CNTNAP2: variants seen among roughly 807,000 people sequenced by gnomAD.
CNTNAP2 encodes contactin-associated protein-like 2.
A neutral mutation model predicts 155.2 loss-of-function variants in CNTNAP2; 98 were observed. The observed-to-expected ratio is 0.63, with a 90% CI of 0.54 to 0.75. CNTNAP2 has a LOEUF of 0.75. Among genes scored for constraint, CNTNAP2 ranks in the 30% least tolerant of loss-of-function variants. The pLI, the probability that CNTNAP2 is intolerant of heterozygous loss-of-function variation, is 0.00. For synonymous variants in CNTNAP2, 651 were observed against 631.2 expected (o/e 1.03, Z -0.47); for missense variants, 1,727 against 1,688.1 (o/e 1.02, Z -0.40).
intron 13 of CNTNAP2, among the ~76,000 whole-genome samples, chr7:147,719,182 G>T (rs996575040): frequency 1.3e-5 from 2 of 152,032 alleles, no homozygotes; most frequent in African/African-American, 4.8e-5. Context: ...GAATTGCAGT[G>T]GTCAGTTTGT....
rs561138039 is a variant in CNTNAP2 at position 146,989,043 on chromosome 7, T to C, written c.403-54864T>C. Among the ~76,000 whole-genome samples, 4 of 152,322 alleles carry C rather than the reference T, an allele frequency of 2.6e-5. No homozygotes were observed. The South Asian group carries it at 8.3e-4, about 32-fold the overall frequency. On this transcript the variant is annotated intron_variant, in intron 3 of 23. Coordinates refer to ENST00000361727, the MANE Select transcript of CNTNAP2 (RefSeq NM_014141.6). ...ACACCTGTTCTTCTTGTCTGCCAGA[T>C]GTTTGCTTTATATCACAATTGTCTT...
At chr7:146,350,693 G>T (rs1213232247) in intron 1 of CNTNAP2, among the ~76,000 whole-genome samples, 4 of 151,970 alleles carry the variant, frequency 2.6e-5, no homozygotes, top group Non-Finnish European at 5.9e-5. Flanking sequence ...ATACCCAAAG[G>T]ATTATAAATC....
intron 1 of CNTNAP2, among the ~76,000 whole-genome samples, chr7:146,459,642 C>T (rs73462742): frequency 0.027 from 4,173 of 152,080 alleles, 141 homozygotes; most frequent in African/African-American, 0.074. Flanking sequence ...AAGGGAAGGA[C>T]GCACAAAAAG....
intron 1 of CNTNAP2, among the ~76,000 whole-genome samples, chr7:146,749,768 G>A (rs1218239481): frequency 6.6e-6 from 1 of 152,094 alleles, no homozygotes; most frequent in African/African-American, 2.4e-5. Context: ...TATAGAAGAT[G>A]GATTTCAGGG....
At chr7:147,703,697 CTA>C (rs1294710357) in intron 13 of CNTNAP2, among the ~76,000 whole-genome samples, 1 of 152,112 alleles carries the variant, frequency 6.6e-6, no homozygotes, top group Non-Finnish European at 1.5e-5. Flanking sequence ...TACATCATTT[CTA>C]TGTGTTGGGA....
chr7:146,311,493 C>T (rs1414314858), intron 1 of CNTNAP2, among the ~76,000 whole-genome samples: 2 of 149,982 alleles, frequency 1.3e-5, no homozygotes, highest in Non-Finnish European at 3.0e-5. Context: ...TTATAGAGGT[C>T]AGGCATGGTG....
At chr7:147,848,524 A>G (rs1320484212) in intron 13 of CNTNAP2, among the ~76,000 whole-genome samples, 1 of 150,644 alleles carries the variant, frequency 6.6e-6, no homozygotes, top group Non-Finnish European at 1.5e-5. Flanking sequence ...TGAACCCGGT[A>G]CCTCAGATGG....
chr7:147,014,788 G>C (rs1456684855), intron 3 of CNTNAP2, among the ~76,000 whole-genome samples: 1 of 152,038 alleles, frequency 6.6e-6, no homozygotes, highest in African/African-American at 2.4e-5. Context: ...ATAAAGAAGA[G>C]GCCATCTGTA....
At chr7:146,484,313 C>T (rs1797023516) in intron 1 of CNTNAP2, among the ~76,000 whole-genome samples, 2 of 152,100 alleles carry the variant, frequency 1.3e-5, no homozygotes, top group African/African-American at 4.8e-5. Flanking sequence ...GACACATGAC[C>T]GCAGTCATGC....
intron 13 of CNTNAP2, among the ~76,000 whole-genome samples, chr7:147,728,644 G>A (rs1796684666): frequency 6.6e-6 from 1 of 152,004 alleles, no homozygotes; most frequent in Admixed American, 6.6e-5. Flanking sequence ...AAGGACTGGG[G>A]AACTCAGTGG....
intron 8 of CNTNAP2, among the ~76,000 whole-genome samples, chr7:147,216,844 C>T (rs1803279916): frequency 6.6e-6 from 1 of 151,860 alleles, no homozygotes; most frequent in Non-Finnish European, 1.5e-5. Flanking sequence ...TTTAGTTTGT[C>T]CTTGATTTCT....
chr7:146,665,229 G>A (rs141564591), intron 1 of CNTNAP2, among the ~76,000 whole-genome samples: 3,297 of 152,218 alleles, frequency 0.022, 89 homozygotes, highest in African/African-American at 0.055. Context: ...GATTACAGGC[G>A]TGAGCCACCG....
At chr7:148,010,022 A>G (rs1563165991) in intron 15 of CNTNAP2, among the ~76,000 whole-genome samples, 1 of 152,052 alleles carries the variant, frequency 6.6e-6, no homozygotes, top group Non-Finnish European at 1.5e-5. Flanking sequence ...TTGTTTTCCC[A>G]ATTTACACTT....
chr7:147,028,706 G>T (rs1161749207), intron 3 of CNTNAP2, among the ~76,000 whole-genome samples: 2 of 152,178 alleles, frequency 1.3e-5, no homozygotes, highest in East Asian at 1.9e-4. Flanking sequence ...TATGCATAAA[G>T]CTACCAGGCT....
At chr7:148,203,613 C>T (rs1001959811) in intron 18 of CNTNAP2, among the ~76,000 whole-genome samples, 2 of 152,080 alleles carry the variant, frequency 1.3e-5, no homozygotes, top group African/African-American at 2.4e-5. Flanking sequence ...GAGGTGTTGG[C>T]CTGAGCCTGT....
chr7:147,998,963 CAAAT>C (rs1294764845), intron 15 of CNTNAP2, among the ~76,000 whole-genome samples: 5 of 152,050 alleles, frequency 3.3e-5, no homozygotes, highest in Admixed American at 3.3e-4. Flanking sequence ...GTTTTTTAAA[CAAAT>C]AAAACAAACA....
At chr7:146,270,045 C>T (rs1221247114) in intron 1 of CNTNAP2, among the ~76,000 whole-genome samples, 1 of 152,050 alleles carries the variant, frequency 6.6e-6, no homozygotes, top group African/African-American at 2.4e-5. Flanking sequence ...ACTGTCTTAC[C>T]CCAGGCTTTC....
chr7:147,309,567 C>T (rs1317275023), intron 9 of CNTNAP2, among the ~76,000 whole-genome samples: 1 of 151,802 alleles, frequency 6.6e-6, no homozygotes, highest in African/African-American at 2.4e-5. Flanking sequence ...CCACTTTTTT[C>T]GTAGAGGAGT....
chr7:146,989,508 C>A (rs1267133971), intron 3 of CNTNAP2, among the ~76,000 whole-genome samples: 7 of 149,750 alleles, frequency 4.7e-5, no homozygotes, highest in Admixed American at 2.0e-4. Context: ...ATAACAGTAT[C>A]CACTGGAGAC....
Sources: allele counts gnomAD v4.1 joint callset (sites outside exome capture counted in the v4.1 genomes callset), GRCh38; gene constraint gnomAD v4.1.1; transcripts MANE v1.5; gene names NCBI Gene and HGNC (gene_info 2026-07-23, HGNC 2026-07-21).